The following DSCAM variants were observed in gnomAD, a reference collection of about 807,000 sequenced individuals.
The protein encoded by DSCAM is DS cell adhesion molecule.
DSCAM carries 47 observed loss-of-function variants against 217.7 expected under a neutral mutation model. The ratio of observed to expected loss-of-function variants is 0.22; its 90% confidence interval spans 0.17 to 0.28. The LOEUF (loss-of-function observed/expected upper bound fraction) is 0.28. Among genes scored for constraint, DSCAM ranks in the 10% least tolerant of loss-of-function variants. The pLI, the probability that DSCAM is intolerant of heterozygous loss-of-function variation, is 1.00. For missense variants in DSCAM, 2,080 were observed against 2,618.3 expected, an observed-to-expected ratio of 0.79 and a Z score of 4.49; for synonymous variants, 1,056 against 1,015.3, an observed-to-expected ratio of 1.04 and a Z score of -0.76.
At position 40,802,716 on chromosome 21, in the gene DSCAM, C is replaced by G. The variant is rs190352389; in HGVS notation, c.43+43903G>C. Among the ~76,000 whole-genome samples the G allele has an allele frequency of 6.6e-5, 10 of 152,344 alleles. No individual in the cohort carries two copies. In the East Asian group the frequency reaches 1.9e-3, roughly 29 times the overall value. On this transcript the variant is annotated intron_variant, in intron 1 of 32. Transcript: ENST00000400454. ...TCTCAGCAGCACACTCAGCCCTTCA[C>G]CATGTGATGGCCTGGGCTGCCTCAG...
At chr21:40,017,694 G>T (rs932882143) in intron 32 of DSCAM, among the ~76,000 whole-genome samples, 3 of 151,994 alleles carry the variant, frequency 2.0e-5, no homozygotes, top group Non-Finnish European at 4.4e-5. Context: ...TGGGATTACA[G>T]GCATGCACCA....
chr21:40,080,990 T>C lies in DSCAM; in HGVS notation c.4232-650A>G, dbSNP rs193137701. Among the ~76,000 whole-genome samples the C allele has an allele frequency of 3.9e-5, 6 of 152,326 alleles. 1 individual carries two copies. Among genetic ancestry groups the C allele is most frequent in the Admixed American group, 3.9e-4 (6 of 15,302 alleles). On this transcript the variant is annotated intron_variant, in intron 24 of 32. Coordinates refer to ENST00000400454, the MANE Select transcript of DSCAM (RefSeq NM_001389.5). ...AGAGCACTCACTCCATGCCAAGCCC[T>C]GTCCTAAGCCCTTTGCTTACAGTAT...
rs1490666344 is a variant in DSCAM at position 40,780,421 on chromosome 21, G to GTATATATATATATA, written c.43+66197_43+66198insTATATATATATATA. Among the ~76,000 whole-genome samples, 164 of 47,960 alleles carry GTATATATATATATA rather than the reference G, an allele frequency of 3.4e-3. 1 individual carries two copies. The highest frequency in any genetic ancestry group is 0.012 in the East Asian group (25 of 2,136). The allele number at this position is 47,960 out of a possible 152,430, so 31.5% of individuals were successfully genotyped here. On this transcript the variant is annotated intron_variant, in intron 1 of 32. Transcript: ENST00000400454. ...AACGTGTGTGTGTGTGTGTGTGTGT[G>GTATATATATATATA]TGTATATATATATATATATATATAT... is the stretch of plus-strand genomic sequence containing the variant.
intron 3 of DSCAM, among the ~76,000 whole-genome samples, chr21:40,512,174 A>G (rs2076264637): frequency 6.6e-6 from 1 of 152,028 alleles, no homozygotes; most frequent in Non-Finnish European, 1.5e-5. Context: ...CCAATTATGC[A>G]TGATTCAGCG....
At chr21:40,286,980 G>A (rs2073835160) in intron 10 of DSCAM, among the ~76,000 whole-genome samples, 1 of 123,982 alleles carries the variant, frequency 8.1e-6, no homozygotes, top group African/African-American at 3.5e-5. Flanking sequence ...TGATTGCAGT[G>A]TGATCCACAG....
intron 3 of DSCAM, among the ~76,000 whole-genome samples, chr21:40,556,563 G>C (rs903032105): frequency 6.6e-6 from 1 of 152,286 alleles, no homozygotes; most frequent in South Asian, 2.1e-4. Flanking sequence ...TCAAGATTAG[G>C]CATCTGGTGA....
intron 3 of DSCAM, among the ~76,000 whole-genome samples, chr21:40,588,769 T>TA (rs2076963880): frequency 1.3e-5 from 2 of 152,192 alleles, no homozygotes; most frequent in South Asian, 4.1e-4. Flanking sequence ...ATTCAATTTG[T>TA]AAAATTCTAC....
At chr21:40,058,240 C>A in intron 28 of DSCAM, among the ~76,000 whole-genome samples, 1 of 152,072 alleles carries the variant, frequency 6.6e-6, no homozygotes, top group African/African-American at 2.4e-5. Flanking sequence ...TCCCCTGCTA[C>A]CCCCAAAACC....
chr21:40,498,670 T>C (rs1389745054), intron 3 of DSCAM, among the ~76,000 whole-genome samples: 22 of 5,416 alleles, frequency 4.1e-3, no homozygotes, highest in African/African-American at 0.022. Flanking sequence ...TATATACCCA[T>C]ATATATATAT....
At chr21:40,563,820 T>TTATATGTTTA (rs1292803462) in intron 3 of DSCAM, among the ~76,000 whole-genome samples, 1 of 147,788 alleles carries the variant, frequency 6.8e-6, no homozygotes, top group Non-Finnish European at 1.5e-5. Flanking sequence ...GTATATATAG[T>TTATATGTTTA]TATATGTTTA....
chr21:40,708,027 C>T (rs1318046824), intron 2 of DSCAM, among the ~76,000 whole-genome samples: 1 of 152,136 alleles, frequency 6.6e-6, no homozygotes, highest in Non-Finnish European at 1.5e-5. Flanking sequence ...CATAACAGTA[C>T]ATCTTGATGC....
intron 3 of DSCAM, among the ~76,000 whole-genome samples, chr21:40,559,406 T>C (rs989414774): frequency 6.7e-5 from 10 of 148,560 alleles, no homozygotes; most frequent in Non-Finnish European, 1.3e-4. Context: ...TGCAGTGCGC[T>C]GAGATCGCAC....
At chr21:40,543,430 T>C (rs574498563) in intron 3 of DSCAM, among the ~76,000 whole-genome samples, 1 of 152,332 alleles carries the variant, frequency 6.6e-6, no homozygotes, top group East Asian at 1.9e-4. Context: ...ATTGGCCTCA[T>C]GACCCAGAAC....
intron 20 of DSCAM, among the ~76,000 whole-genome samples, chr21:40,114,877 C>A (rs1158466793): frequency 6.6e-6 from 1 of 152,172 alleles, no homozygotes; most frequent in Non-Finnish European, 1.5e-5. Context: ...CCATCTCACA[C>A]CAGTTAGAAT....
intron 6 of DSCAM, among the ~76,000 whole-genome samples, chr21:40,343,387 T>G (rs2074520702): frequency 6.6e-6 from 1 of 152,166 alleles, no homozygotes. Flanking sequence ...AAACATTTAG[T>G]GTTTAACCAG....
intron 3 of DSCAM, among the ~76,000 whole-genome samples, chr21:40,433,286 C>A (rs1386241244): frequency 6.8e-6 from 1 of 147,068 alleles, no homozygotes; most frequent in Non-Finnish European, 1.5e-5. Flanking sequence ...GAGGTGGAGA[C>A]TGCAGTGAGC....
At chr21:40,370,252 C>G (rs924202104) in intron 3 of DSCAM, among the ~76,000 whole-genome samples, 2 of 146,014 alleles carry the variant, frequency 1.4e-5, no homozygotes. Context: ...TGGTCTTTTA[C>G]TTTAAAAAAA....
chr21:40,137,823 G>C (rs900015996), intron 18 of DSCAM, among the ~76,000 whole-genome samples: 1 of 152,018 alleles, frequency 6.6e-6, no homozygotes, highest in Non-Finnish European at 1.5e-5. Flanking sequence ...CAATAGGTGC[G>C]GGAATAGCTT....
At chr21:40,454,276 C>T (rs1601656338) in intron 3 of DSCAM, among the ~76,000 whole-genome samples, 1 of 152,194 alleles carries the variant, frequency 6.6e-6, no homozygotes, top group African/African-American at 2.4e-5. Context: ...AGCCTAGTCA[C>T]GTGTTCGTAT....
Sources: gnomAD v4.1 joint callset for allele counts (sites outside exome capture counted in the v4.1 genomes callset) on GRCh38, gnomAD v4.1.1 for gene constraint, MANE v1.5 for transcripts, NCBI Gene and HGNC (gene_info 2026-07-23, HGNC 2026-07-21) for gene names.